Variants in LTA4H observed in about 807,000 individuals in gnomAD.
LTA4H encodes the protein leukotriene A-4 hydrolase.
A neutral mutation model predicts 89.8 loss-of-function variants in LTA4H; 59 were observed. That is an observed-to-expected ratio of 0.66 (90% CI 0.53 to 0.82). The LOEUF is 0.82. Ranked by LOEUF, LTA4H falls within the 40% of genes least tolerant of loss-of-function variation. The probability of loss-of-function intolerance (pLI) is 0.00; values close to 1 mark genes in which losing one functional copy is unlikely to be tolerated. For synonymous variants in LTA4H, 227 were observed against 253.1 expected (o/e 0.90, Z 0.98); for missense variants, 617 against 727.0 (o/e 0.85, Z 1.74).
intron 3 of LTA4H, among the ~76,000 whole-genome samples, chr12:96,025,085 G>A (rs1013810594): frequency 3.1e-4 from 47 of 152,306 alleles, no homozygotes; most frequent in African/African-American, 9.9e-4. Context: ...CTCTTAAGCA[G>A]TGTTTCCTAC....
chr12:96,001,361 A>T (rs1219790838), intron 18 of LTA4H, among the ~76,000 whole-genome samples: 1 of 151,982 alleles, frequency 6.6e-6, no homozygotes, highest in Admixed American at 6.6e-5. Context: ...GGTCCCAGAG[A>T]CCTCCTTCTG....
intron 1 of LTA4H, among the ~76,000 whole-genome samples, chr12:96,031,129 CCT>C (rs1208580835): frequency 6.6e-6 from 1 of 152,104 alleles, no homozygotes; most frequent in Non-Finnish European, 1.5e-5. Context: ...TTTGATATCC[CCT>C]GTGTCTGTTA....
rs767622133 is a variant in LTA4H at position 96,013,705 on chromosome 12, G to A, written c.1308+45C>T. The A allele has an allele frequency of 6.1e-5, 59 of 963,290 alleles. 1 individual carries two copies. The East Asian group carries it at 1.0e-3, about 17-fold the overall frequency. The allele number at this position is 963,290 out of a possible 1,614,324, so 59.7% of individuals were successfully genotyped here. On this transcript the variant is annotated intron_variant, in intron 13 of 18. Transcript: ENST00000228740. Reference sequence around the variant, plus strand: ...AGTTAACCTAATCAGTCAATAAATAGAGATATATCGAGCATGAAAAATAGA... The same window carrying A: ...AGTTAACCTAATCAGTCAATAAATAAAGATATATCGAGCATGAAAAATAGA...
chr12:96,035,835 G>C (rs1249454487), upstream of LTA4H, among the ~76,000 whole-genome samples: 2 of 152,156 alleles, frequency 1.3e-5, no homozygotes, highest in Non-Finnish European at 2.9e-5. Context: ...AAGGGTGGCC[G>C]AAGGGAAATG....
upstream of LTA4H, chr12:96,035,765 T>G: frequency 1.1e-6 from 1 of 883,162 alleles, no homozygotes; most frequent in Non-Finnish European, 1.6e-6. Context: ...GTTAGGGATG[T>G]TGAGGGGGAC....
At chr12:96,005,756 A>T (rs1255798992) in intron 16 of LTA4H, among the ~76,000 whole-genome samples, 1 of 149,312 alleles carries the variant, frequency 6.7e-6, no homozygotes, top group African/African-American at 2.5e-5. Flanking sequence ...TTTTTAAAAA[A>T]ATTTTTTTAT....
At chr12:96,002,871 A>G (rs1184338287) in intron 18 of LTA4H, 89 bp downstream of exon 18, 4 of 832,602 alleles carry the variant, frequency 4.8e-6, no homozygotes, top group Non-Finnish European at 7.6e-6. Flanking sequence ...AAATTAAAAA[A>G]TATTGTCATA....
chr12:96,003,655 C>A, intron 17 of LTA4H, 183 bp downstream of exon 17: 1 of 361,950 alleles, frequency 2.8e-6, no homozygotes, highest in Non-Finnish European at 5.0e-6. Context: ...AAGATTAATA[C>A]TACCAGATTA....
chr12:96,035,342 G>C lies in LTA4H; in HGVS notation c.159+19C>G. The C allele has an allele frequency of 6.3e-7, 1 of 1,583,556 alleles. No individual in the cohort carries two copies. The highest frequency in any genetic ancestry group is 8.6e-7 in the Non-Finnish European group (1 of 1,160,246). On this transcript the variant is annotated intron_variant, in intron 1 of 18. Coordinates refer to ENST00000228740, the MANE Select transcript of LTA4H (RefSeq NM_000895.3). The stretch of plus-strand genomic sequence containing the variant: ...GGGAGCCCGGGAGAGGCGGGCACTG[G>C]GCAGGCGCCCCACTGTACCAGGCTG...
intron 7 of LTA4H, 46 bp from the exon 8 acceptor site, chr12:96,018,949 T>C (rs189964366): frequency 1.6e-5 from 23 of 1,481,730 alleles, no homozygotes; most frequent in African/African-American, 7.0e-5. Flanking sequence ...ATTATCACCA[T>C]TGTACATTTC....
intron 12 of LTA4H, 162 bp from the exon 13 acceptor site, chr12:96,014,015 G>A: frequency 1.9e-6 from 1 of 521,000 alleles, no homozygotes; most frequent in Middle Eastern, 3.4e-4. Flanking sequence ...CAAAAAAGGA[G>A]GTGGGACTTA....
intron 1 of LTA4H, 102 bp downstream of exon 1, chr12:96,035,259 G>C (rs1442054955): frequency 1.6e-6 from 2 of 1,269,324 alleles, no homozygotes; most frequent in Non-Finnish European, 2.2e-6. Flanking sequence ...GCTAGGCAGG[G>C]GCCGCGGCGG....
At chr12:96,018,489 A>G (rs1198865045) in intron 8 of LTA4H, among the ~76,000 whole-genome samples, 1 of 152,182 alleles carries the variant, frequency 6.6e-6, no homozygotes, top group Non-Finnish European at 1.5e-5. Context: ...CAGAGGTTGC[A>G]GTGAGCTGAG....
rs1950091145 is a variant in LTA4H, at chr12:96,000,984, G to A, written c.*5C>T. On this transcript the variant is annotated 3_prime_UTR_variant, in exon 19 of 19. Transcript: ENST00000228740. The stretch of plus-strand genomic sequence containing the variant: ...AAATCTCTAAAATCATCAATACGCA[G>A]GTCTTTAATCCACTTTTAAGTCTTT... The A allele has an allele frequency of 6.4e-7, 1 of 1,565,908 alleles. No individual in the cohort carries two copies. The highest frequency in any genetic ancestry group is 8.8e-7 in the Non-Finnish European group (1 of 1,136,204).
chr12:96,037,260 G>A (rs932276437), upstream of LTA4H, among the ~76,000 whole-genome samples: 2 of 152,184 alleles, frequency 1.3e-5, no homozygotes, highest in African/African-American at 4.8e-5. Context: ...AGGTAGACAT[G>A]ACCACGTCAC....
chr12:96,000,898 A>T lies in LTA4H; in HGVS notation c.*91T>A. 1.1e-6 allele frequency: 1 copy of T among 921,216 alleles called. No individual in the cohort carries two copies. Among genetic ancestry groups the T allele is most frequent in the Non-Finnish European group, 1.7e-6 (1 of 581,178 alleles). The allele number at this position is 921,216 out of a possible 1,614,324, so 57.1% of individuals were successfully genotyped here. ...AAACAATAAAAAGCCAAAACTAAAAAGACAGTTTTAATTGTGAGCTGAAGT... is the reference window on the plus strand; with the variant it reads ...AAACAATAAAAAGCCAAAACTAAAATGACAGTTTTAATTGTGAGCTGAAGT... On this transcript the variant is annotated 3_prime_UTR_variant, in exon 19 of 19. Coordinates refer to ENST00000228740, the MANE Select transcript of LTA4H (RefSeq NM_000895.3).
intron 9 of LTA4H, 74 bp from the exon 10 acceptor site, chr12:96,017,188 C>A: frequency 1.0e-6 from 1 of 990,750 alleles, no homozygotes; most frequent in Non-Finnish European, 1.6e-6. Flanking sequence ...TGTAAACACT[C>A]CATGTTATTC....
At chr12:96,031,813 T>G (rs1950578088) in intron 1 of LTA4H, among the ~76,000 whole-genome samples, 2 of 152,224 alleles carry the variant, frequency 1.3e-5, no homozygotes, top group South Asian at 4.1e-4. Context: ...TCTTATACTA[T>G]ATATGTTGCT....
intron 12 of LTA4H, 57 bp downstream of exon 12, chr12:96,014,798 T>C: frequency 6.7e-7 from 1 of 1,488,204 alleles, no homozygotes; most frequent in Non-Finnish European, 9.2e-7. Context: ...CAATTCTTCC[T>C]AATTCTCACA....
Sources: gnomAD v4.1 joint callset for allele counts (sites outside exome capture counted in the v4.1 genomes callset) on GRCh38, gnomAD v4.1.1 for gene constraint, MANE v1.5 for transcripts, NCBI Gene and HGNC (gene_info 2026-07-23, HGNC 2026-07-21) for gene names.